The following RAB22A variants were observed in gnomAD, a reference collection of about 807,000 sequenced individuals.
RAB22A encodes the protein ras-related protein Rab-22A.
Under a neutral mutation model 30.2 loss-of-function variants are expected in RAB22A, and 13 were observed. The ratio of observed to expected loss-of-function variants is 0.43; its 90% confidence interval spans 0.28 to 0.68. The LOEUF (loss-of-function observed/expected upper bound fraction) is 0.68. Ranked by LOEUF, RAB22A falls within the 30% of genes least tolerant of loss-of-function variation. The pLI, the probability that RAB22A is intolerant of heterozygous loss-of-function variation, is 0.18. For synonymous variants in RAB22A, 89 were observed against 87.2 expected (o/e 1.02, Z -0.11); for missense variants, 177 against 246.8 (o/e 0.72, Z 1.89).
intron 6 of RAB22A, among the ~76,000 whole-genome samples, chr20:58,358,402 C>T (rs1446016260): frequency 1.3e-5 from 2 of 152,138 alleles, no homozygotes; most frequent in African/African-American, 4.8e-5. Flanking sequence ...CAGACAAATA[C>T]CCAGGAGTAG....
intron 2 of RAB22A, among the ~76,000 whole-genome samples, chr20:58,321,748 C>CAT (rs10626072): frequency 0.54 from 81,242 of 151,622 alleles, 23,250 homozygotes; most frequent in African/African-American, 0.74. Context: ...ACATACATGT[C>CAT]ATGTATTATA....
At chr20:58,355,215 G>C (rs1160112153) in intron 6 of RAB22A, among the ~76,000 whole-genome samples, 1 of 152,124 alleles carries the variant, frequency 6.6e-6, no homozygotes, top group East Asian at 1.9e-4. Context: ...GTCGAGGAGG[G>C]GCATGAACTC....
chr20:58,347,276 A>G (rs1986966530), intron 3 of RAB22A, among the ~76,000 whole-genome samples: 1 of 152,210 alleles, frequency 6.6e-6, no homozygotes, highest in Admixed American at 6.5e-5. Flanking sequence ...GTTTGATTGC[A>G]AAGTGATTTC....
intron 2 of RAB22A, among the ~76,000 whole-genome samples, chr20:58,331,751 A>G (rs1033516631): frequency 6.6e-5 from 10 of 151,738 alleles, no homozygotes; most frequent in Non-Finnish European, 1.0e-4. Flanking sequence ...CTTGGCTTCA[A>G]TGTCCACCCC....
At chr20:58,311,961 A>G (rs1986234442) in intron 2 of RAB22A, among the ~76,000 whole-genome samples, 1 of 152,140 alleles carries the variant, frequency 6.6e-6, no homozygotes, top group Non-Finnish European at 1.5e-5. Flanking sequence ...GAGGTTATTT[A>G]TGGATTTTTT....
chr20:58,352,795 C>G (rs911589568), intron 3 of RAB22A, among the ~76,000 whole-genome samples: 2 of 152,170 alleles, frequency 1.3e-5, no homozygotes, highest in Non-Finnish European at 2.9e-5. Flanking sequence ...GCAAACTCAT[C>G]CAAGTAGTGA....
intron 6 of RAB22A, among the ~76,000 whole-genome samples, chr20:58,356,043 G>T (rs181139352): frequency 6.6e-6 from 1 of 152,282 alleles, no homozygotes; most frequent in Non-Finnish European, 1.5e-5. Context: ...AGACATGGTG[G>T]CTCACACCTA....
intron 2 of RAB22A, among the ~76,000 whole-genome samples, chr20:58,336,350 C>G (rs1247910737): frequency 1.3e-5 from 2 of 152,098 alleles, no homozygotes; most frequent in African/African-American, 4.8e-5. Flanking sequence ...AAATGTCAGC[C>G]TTGCTGTTCT....
At chr20:58,316,808 T>C (rs572529621) in intron 2 of RAB22A, among the ~76,000 whole-genome samples, 11 of 152,276 alleles carry the variant, frequency 7.2e-5, no homozygotes, top group Admixed American at 7.2e-4. Flanking sequence ...TCTCTCCTCC[T>C]CTTTCCATGG....
intron 3 of RAB22A, 147 bp from the exon 4 acceptor site, chr20:58,353,126 T>G (rs1987079539): frequency 1.4e-6 from 1 of 698,734 alleles, no homozygotes; most frequent in African/African-American, 1.8e-5. Flanking sequence ...TGGTAATTAC[T>G]GGTTCATTTG....
At chr20:58,316,307 T>G (rs1043183173) in intron 2 of RAB22A, among the ~76,000 whole-genome samples, 2 of 152,116 alleles carry the variant, frequency 1.3e-5, no homozygotes, top group African/African-American at 4.8e-5. Flanking sequence ...AGGGACACTT[T>G]GCTTCGGTCT....
In RAB22A at chr20:58,365,806, C is replaced by T. The variant is rs11696905; in HGVS notation, c.*6103C>T. ...CCACCTGAATAGCTAGGATTACAGG[C>T]GCCCGCCCCCACACCCGGCTAATAT... On this transcript the variant is annotated 3_prime_UTR_variant, in exon 7 of 7. Coordinates refer to ENST00000244040, the MANE Select transcript of RAB22A (RefSeq NM_020673.3). 5,576 of 152,244 alleles carry T rather than the reference C, an allele frequency of 0.037. 166 individuals are homozygous for T. Among genetic ancestry groups the T allele is most frequent in the African/African-American group, 0.082 (3,413 of 41,500 alleles). The allele number at this position is 152,244 out of a possible 1,614,324, so 9.4% of individuals were successfully genotyped here. A position where few individuals can be genotyped will look rare whatever the true frequency, so the allele number is the denominator to read the frequency against.
rs116208573 is a variant in RAB22A, at chr20:58,347,592, C to G, written c.198+3793C>G. Among the ~76,000 whole-genome samples, 238 of 152,282 alleles carry G rather than the reference C, an allele frequency of 1.6e-3. 3 individuals carry two copies. The highest frequency in any genetic ancestry group is 5.5e-3 in the African/African-American group (230 of 41,560). On this transcript the variant is annotated intron_variant, in intron 3 of 6. Coordinates refer to ENST00000244040, the MANE Select transcript of RAB22A (RefSeq NM_020673.3). ...ATCAGAAAATTCATAGCCAAGTTAT[C>G]AATCAAGTTCGACTCAGTGTTCATC...
rs1987232503 is a variant in RAB22A at position 58,361,829 on chromosome 20, T to A, written c.*2126T>A. ...TTTTTCCACCACACCCACCAGTAGC[T>A]GTTGGTGATTGCATGGTGTCTCGGT... is the stretch of plus-strand genomic sequence containing the variant. On this transcript the variant is annotated 3_prime_UTR_variant, in exon 7 of 7. Transcript: ENST00000244040. 6.6e-6 allele frequency: 1 copy of A among 151,990 alleles called. No individual in the cohort carries two copies. Among genetic ancestry groups the A allele is most frequent in the South Asian group, 2.1e-4 (1 of 4,810 alleles). 9.4% of individuals were successfully genotyped at this position (151,990 alleles called of 1,614,324 possible).
chr20:58,335,897 G>T (rs1425017943), intron 2 of RAB22A, among the ~76,000 whole-genome samples: 2 of 152,186 alleles, frequency 1.3e-5, no homozygotes, highest in South Asian at 4.1e-4. Context: ...GATTTTGTAT[G>T]TTAGTCTTAA....
chr20:58,347,223 C>T lies in RAB22A; in HGVS notation c.198+3424C>T, dbSNP rs1986965314. Among the ~76,000 whole-genome samples, 4 of 152,210 alleles carry T rather than the reference C, an allele frequency of 2.6e-5. No homozygotes were observed. The South Asian group carries it at 8.3e-4, about 31-fold the overall frequency. On this transcript the variant is annotated intron_variant, in intron 3 of 6. Coordinates refer to ENST00000244040, the MANE Select transcript of RAB22A (RefSeq NM_020673.3). Reference sequence around the variant, plus strand: ...TCCCCATTTGACATCTTGTACTGCACATAGTTTTGACAGATGGATTGTCTT... The same window carrying T: ...TCCCCATTTGACATCTTGTACTGCATATAGTTTTGACAGATGGATTGTCTT...
chr20:58,319,506 A>G (rs754547659), intron 2 of RAB22A, among the ~76,000 whole-genome samples: 7 of 152,120 alleles, frequency 4.6e-5, no homozygotes, highest in African/African-American at 9.7e-5. Flanking sequence ...ATCTAATTCT[A>G]TTCTTGTTTT....
chr20:58,336,510 A>G (rs996785483), intron 2 of RAB22A, among the ~76,000 whole-genome samples: 1 of 152,142 alleles, frequency 6.6e-6, no homozygotes, highest in Non-Finnish European at 1.5e-5. Flanking sequence ...GGGGGATAAA[A>G]AGTATTTTAT....
intron 2 of RAB22A, among the ~76,000 whole-genome samples, chr20:58,320,592 G>A (rs555094549): frequency 1.3e-5 from 2 of 152,166 alleles, no homozygotes; most frequent in South Asian, 2.1e-4. Flanking sequence ...TTAAGTGATG[G>A]TTTAGGTGAA....
Sources: allele counts gnomAD v4.1 joint callset (sites outside exome capture counted in the v4.1 genomes callset), GRCh38; gene constraint gnomAD v4.1.1; transcripts MANE v1.5; gene names NCBI Gene and HGNC (gene_info 2026-07-23, HGNC 2026-07-21).